Variants in KDELR3 observed in about 807,000 individuals in gnomAD.
KDELR3 encodes the protein ER lumen protein-retaining receptor 3.
In KDELR3, 26 loss-of-function variants were observed where a neutral mutation model predicts 22.7. That is an observed-to-expected ratio of 1.15 (90% confidence interval 0.84 to 1.59). The LOEUF (loss-of-function observed/expected upper bound fraction) is 1.59. Among genes scored for constraint, KDELR3 ranks in the 40% most tolerant of loss-of-function variants. The pLI, the probability that KDELR3 is intolerant of heterozygous loss-of-function variation, is 0.00. For missense variants in KDELR3, 289 were observed against 251.1 expected (o/e 1.15, Z -1.02); for synonymous variants, 120 against 98.2 (o/e 1.22, Z -1.31).
chr22:38,478,099 T>A lies in KDELR3; in HGVS notation c.193-1494T>A, dbSNP rs542641486. 2.0e-5 allele frequency among the ~76,000 whole-genome samples: 3 copies of A among 151,386 alleles called. 1 individual carries two copies. Among genetic ancestry groups the A allele is most frequent in the Admixed American group, 2.0e-4 (3 of 15,238 alleles). ...ACGGGCTAAAATGAGTATGTTCACATGGAGCTATGGCGACAGAATGTGTGC... is the reference window on the plus strand; with the variant it reads ...ACGGGCTAAAATGAGTATGTTCACAAGGAGCTATGGCGACAGAATGTGTGC... On this transcript the variant is annotated intron_variant, in intron 2 of 4. Coordinates refer to ENST00000216014, the MANE Select transcript of KDELR3 (RefSeq NM_006855.4).
intron 1 of KDELR3, among the ~76,000 whole-genome samples, chr22:38,471,650 G>A (rs1469984355): frequency 6.6e-6 from 1 of 152,200 alleles, no homozygotes; most frequent in Non-Finnish European, 1.5e-5. Context: ...CTTCAGGGGT[G>A]TTCCTTCTTG....
At position 38,476,469 on chromosome 22, in the gene KDELR3, C is replaced by T. The variant is rs142929624; in HGVS notation, c.192+1846C>T. Among the ~76,000 whole-genome samples the T allele has an allele frequency of 2.6e-3, 396 of 152,164 alleles. 4 individuals are homozygous for T. Among genetic ancestry groups the T allele is most frequent in the African/African-American group, 9.3e-3 (385 of 41,522 alleles). On this transcript the variant is annotated intron_variant, in intron 2 of 4. Coordinates refer to ENST00000216014, the MANE Select transcript of KDELR3 (RefSeq NM_006855.4). ...TCCTGACCTTGTTATCTGCCCGCCT[C>T]GGCCTCCCGAAGTGCTGGGATTACA...
At chr22:38,470,963 G>A (rs960873710) in intron 1 of KDELR3, among the ~76,000 whole-genome samples, 3 of 152,076 alleles carry the variant, frequency 2.0e-5, no homozygotes, top group African/African-American at 7.2e-5. Flanking sequence ...GGCACGTGGC[G>A]AAACCCCGTC....
intron 1 of KDELR3, 129 bp from the exon 2 acceptor site, chr22:38,474,394 T>C (rs974772226): frequency 2.7e-5 from 18 of 668,440 alleles, no homozygotes; most frequent in Non-Finnish European, 4.7e-5. Context: ...GACAGTGCCC[T>C]GGACAGGAGG....
chr22:38,471,823 G>C (rs559710956), intron 1 of KDELR3, among the ~76,000 whole-genome samples: 10 of 152,212 alleles, frequency 6.6e-5, no homozygotes, highest in African/African-American at 2.4e-4. Context: ...AATTAGCTGG[G>C]CATGGTAGCA....
At chr22:38,482,472 T>TC (rs2089610828) in intron 4 of KDELR3, 24 bp from the exon 5 acceptor site, 1 of 1,595,284 alleles carries the variant, frequency 6.3e-7, no homozygotes. Context: ...GGTAAATTCT[T>TC]ATTTCATCTC....
chr22:38,479,499 A>G (rs1007323396), intron 2 of KDELR3, 94 bp from the exon 3 acceptor site: 3 of 1,184,312 alleles, frequency 2.5e-6, no homozygotes, highest in African/African-American at 3.0e-5. Context: ...TTATGGCAGA[A>G]CACTGACCCT....
chr22:38,469,923 G>A (rs537747466), intron 1 of KDELR3, among the ~76,000 whole-genome samples: 16 of 146,616 alleles, frequency 1.1e-4, no homozygotes, highest in African/African-American at 2.3e-4. Flanking sequence ...AGGTTCAAGC[G>A]ATTCTCCTGC....
At chr22:38,468,749 C>G (rs1054995805) in intron 1 of KDELR3, among the ~76,000 whole-genome samples, 4 of 152,208 alleles carry the variant, frequency 2.6e-5, no homozygotes, top group African/African-American at 7.2e-5. Context: ...ACCCCGCCCC[C>G]CAAAGTGAGC....
intron 2 of KDELR3, among the ~76,000 whole-genome samples, chr22:38,477,397 G>T (rs1677522487): frequency 6.6e-6 from 1 of 151,632 alleles, no homozygotes; most frequent in Non-Finnish European, 1.5e-5. Flanking sequence ...TAGAGACGGG[G>T]TTTCACTATG....
At position 38,483,203 on chromosome 22, in the gene KDELR3, A is replaced by G. The variant is rs972430088; in HGVS notation, c.*667A>G. 1.3e-5 allele frequency: 2 copies of G among 152,236 alleles called. No individual in the cohort carries two copies. Among genetic ancestry groups the G allele is most frequent in the African/African-American group, 4.8e-5 (2 of 41,444 alleles). The allele number at this position is 152,236 out of a possible 1,614,324, so 9.4% of individuals were successfully genotyped here. The stretch of plus-strand genomic sequence containing the variant: ...ACCTAATGGTACTTAGGCGAGTACC[A>G]TTTGCACAATCACTGTTTTACTTAT... On this transcript the variant is annotated 3_prime_UTR_variant, in exon 5 of 5. Coordinates refer to ENST00000216014, the MANE Select transcript of KDELR3 (RefSeq NM_006855.4).
chr22:38,468,914 G>A (rs772338543), intron 1 of KDELR3, among the ~76,000 whole-genome samples: 1 of 152,240 alleles, frequency 6.6e-6, no homozygotes, highest in Non-Finnish European at 1.5e-5. Context: ...CCTGCTGGGG[G>A]TTTGGAGAAG....
intron 1 of KDELR3, among the ~76,000 whole-genome samples, chr22:38,472,413 G>A (rs1052140684): frequency 1.2e-4 from 18 of 151,994 alleles, no homozygotes; most frequent in South Asian, 2.1e-4. Flanking sequence ...GGAGGCAGAC[G>A]TTGCAGTGAG....
chr22:38,478,334 TGA>T (rs1050329548), intron 2 of KDELR3, among the ~76,000 whole-genome samples: 8 of 151,500 alleles, frequency 5.3e-5, no homozygotes, highest in Non-Finnish European at 8.8e-5. Flanking sequence ...TCACCTGAGG[TGA>T]GGAGTTCGAG....
chr22:38,476,426 G>A (rs2145966778), intron 2 of KDELR3, among the ~76,000 whole-genome samples: 1 of 152,198 alleles, frequency 6.6e-6, no homozygotes, highest in Admixed American at 6.5e-5. Context: ...CACCTTATTA[G>A]CCAGGATGGT....
At chr22:38,476,303 T>C (rs1569132333) in intron 2 of KDELR3, among the ~76,000 whole-genome samples, 1 of 151,586 alleles carries the variant, frequency 6.6e-6, no homozygotes, top group Non-Finnish European at 1.5e-5. Context: ...CACTGCAAGC[T>C]CCGCCTCCCG....
intron 1 of KDELR3, among the ~76,000 whole-genome samples, chr22:38,471,283 C>T (rs2089523443): frequency 6.6e-6 from 1 of 152,194 alleles, no homozygotes; most frequent in South Asian, 2.1e-4. Context: ...AGCGGGTGAC[C>T]AAGCGTCCCC....
intron 1 of KDELR3, among the ~76,000 whole-genome samples, chr22:38,469,649 T>A (rs9610965): frequency 0.037 from 5,601 of 151,762 alleles, 112 homozygotes; most frequent in African/African-American, 0.04. Flanking sequence ...GAGGGGAGAA[T>A]CAGCTCCAAC....
intron 2 of KDELR3, among the ~76,000 whole-genome samples, chr22:38,476,483 G>A (rs2089559022): frequency 6.6e-6 from 1 of 152,118 alleles, no homozygotes; most frequent in Non-Finnish European, 1.5e-5. Flanking sequence ...CTCCCGAAGT[G>A]CTGGGATTAC....
Sources: allele counts gnomAD v4.1 joint callset (sites outside exome capture counted in the v4.1 genomes callset), GRCh38; gene constraint gnomAD v4.1.1; transcripts MANE v1.5; gene names NCBI Gene and HGNC (gene_info 2026-07-23, HGNC 2026-07-21).